The following CAMK1D variants were observed in gnomAD, a reference collection of about 807,000 sequenced individuals.
CAMK1D encodes calcium/calmodulin-dependent protein kinase type 1D.
A neutral mutation model predicts 47.7 loss-of-function variants in CAMK1D; 9 were observed. The ratio of observed to expected loss-of-function variants is 0.19; its 90% CI spans 0.11 to 0.33. The LOEUF (loss-of-function observed/expected upper bound fraction) is 0.33, where lower values mean the gene tolerates loss of function less well. Ranked by LOEUF, CAMK1D falls within the 10% of genes least tolerant of loss-of-function variation. The probability of loss-of-function intolerance (pLI) is 1.00; values close to 1 mark genes in which losing one functional copy is unlikely to be tolerated. For synonymous variants in CAMK1D, 184 were observed against 184.9 expected, an observed-to-expected ratio of 0.99 and a Z score of 0.04; for missense variants, 291 against 488.7, an observed-to-expected ratio of 0.60 and a Z score of 3.81.
chr10:12,429,176 C>A (rs184672285), intron 1 of CAMK1D, among the ~76,000 whole-genome samples: 19 of 152,302 alleles, frequency 1.2e-4, no homozygotes, highest in Non-Finnish European at 2.5e-4. Flanking sequence ...GCCCCCAAGC[C>A]CTCTCTGGTC....
chr10:12,576,805 G>T (rs1274460307), intron 2 of CAMK1D, among the ~76,000 whole-genome samples: 1 of 152,164 alleles, frequency 6.6e-6, no homozygotes, highest in Non-Finnish European at 1.5e-5. Flanking sequence ...TGGAGACTCG[G>T]CTCTGTATTT....
chr10:12,419,581 C>A lies in CAMK1D; in HGVS notation c.92+69671C>A, dbSNP rs370313477. ...ATTGCACACCTCACTCCCCACCGGG[C>A]CTCAGTGGATTCTGAATGAAGCCAG... On this transcript the variant is annotated intron_variant, in intron 1 of 10. Transcript: ENST00000619168. 1.3e-4 allele frequency among the ~76,000 whole-genome samples: 20 copies of A among 151,874 alleles called. No homozygotes were observed. The East Asian group carries it at 1.7e-3, about 13-fold the overall frequency.
intron 3 of CAMK1D, among the ~76,000 whole-genome samples, chr10:12,741,316 G>T (rs1245792857): frequency 6.6e-6 from 1 of 152,122 alleles, no homozygotes; most frequent in African/African-American, 2.4e-5. Flanking sequence ...ACGAACCGCC[G>T]GGTTAGACCT....
chr10:12,574,404 C>A (rs1002382640), intron 2 of CAMK1D, among the ~76,000 whole-genome samples: 4 of 149,634 alleles, frequency 2.7e-5, no homozygotes, highest in Non-Finnish European at 5.9e-5. Flanking sequence ...TAGGTTCAAG[C>A]GATTCTCATG....
intron 1 of CAMK1D, among the ~76,000 whole-genome samples, chr10:12,477,845 G>A (rs1268596627): frequency 1.3e-5 from 2 of 152,126 alleles, no homozygotes; most frequent in Admixed American, 6.5e-5. Flanking sequence ...CTCTGCCATC[G>A]TTTCAGGCAG....
chr10:12,416,730 CTG>C (rs937071111), intron 1 of CAMK1D, among the ~76,000 whole-genome samples: 10 of 152,210 alleles, frequency 6.6e-5, no homozygotes, highest in African/African-American at 2.4e-4. Flanking sequence ...TTGCCATACT[CTG>C]TGTCAGTTTC....
intron 3 of CAMK1D, among the ~76,000 whole-genome samples, chr10:12,729,425 C>T (rs565321194): frequency 9.2e-5 from 14 of 152,104 alleles, no homozygotes; most frequent in African/African-American, 2.4e-4. Context: ...TGCTTGAGGT[C>T]GGGGGTTCAA....
chr10:12,687,272 CAGAA>C (rs757793068), intron 3 of CAMK1D, among the ~76,000 whole-genome samples: 4 of 148,550 alleles, frequency 2.7e-5, no homozygotes, highest in Admixed American at 2.0e-4. Flanking sequence ...ATACTATGCT[CAGAA>C]AAAAAAAAAA....
intron 8 of CAMK1D, 35 bp from the exon 9 acceptor site, chr10:12,824,430 A>C: frequency 6.3e-7 from 1 of 1,575,376 alleles, no homozygotes; most frequent in Non-Finnish European, 8.7e-7. Context: ...GCCCAGAAGA[A>C]GCACTTCAGA....
At chr10:12,728,573 T>A (rs1224263444) in intron 3 of CAMK1D, among the ~76,000 whole-genome samples, 1 of 152,198 alleles carries the variant, frequency 6.6e-6, no homozygotes, top group Admixed American at 6.5e-5. Flanking sequence ...AGTATTGCAC[T>A]GTTGGTGTGA....
intron 2 of CAMK1D, among the ~76,000 whole-genome samples, chr10:12,567,902 C>T (rs779559305): frequency 7.2e-5 from 11 of 152,128 alleles, no homozygotes; most frequent in Non-Finnish European, 1.6e-4. Context: ...TATGTTAAAA[C>T]TTAGGAGGCA....
intron 1 of CAMK1D, among the ~76,000 whole-genome samples, chr10:12,402,892 G>A (rs1049493019): frequency 6.6e-6 from 1 of 152,058 alleles, no homozygotes; most frequent in Admixed American, 6.6e-5. Context: ...AAGGTGATGA[G>A]TTCCAGATGC....
At chr10:12,572,846 T>G (rs1271073154) in intron 2 of CAMK1D, among the ~76,000 whole-genome samples, 1 of 152,176 alleles carries the variant, frequency 6.6e-6, no homozygotes, top group African/African-American at 2.4e-5. Context: ...TTGCCCAGGC[T>G]GGTCTTGAAC....
chr10:12,381,608 G>C (rs967111223), intron 1 of CAMK1D, among the ~76,000 whole-genome samples: 3 of 152,174 alleles, frequency 2.0e-5, no homozygotes, highest in Non-Finnish European at 4.4e-5. Context: ...TTACAGGTTT[G>C]AGCCACTGCA....
chr10:12,625,217 T>A (rs138294692), intron 2 of CAMK1D, among the ~76,000 whole-genome samples: 307 of 148,380 alleles, frequency 2.1e-3, no homozygotes, highest in African/African-American at 7.5e-3. Flanking sequence ...ATGCCTGTAA[T>A]CCCAGCTACT....
intron 5 of CAMK1D, among the ~76,000 whole-genome samples, chr10:12,789,712 A>G (rs1458494463): frequency 6.6e-6 from 1 of 152,252 alleles, no homozygotes; most frequent in Non-Finnish European, 1.5e-5. Context: ...TTTGGGAATA[A>G]TAGTGACCAT....
At chr10:12,407,356 A>G (rs756148925) in intron 1 of CAMK1D, among the ~76,000 whole-genome samples, 1 of 152,224 alleles carries the variant, frequency 6.6e-6, no homozygotes, top group Non-Finnish European at 1.5e-5. Context: ...AAATCATACC[A>G]GCCTTCCTTT....
At chr10:12,446,196 A>G (rs1282457660) in intron 1 of CAMK1D, among the ~76,000 whole-genome samples, 1 of 152,190 alleles carries the variant, frequency 6.6e-6, no homozygotes, top group Non-Finnish European at 1.5e-5. Flanking sequence ...AGTGCAAGCA[A>G]GTTTATTAAG....
intron 2 of CAMK1D, among the ~76,000 whole-genome samples, chr10:12,591,231 A>C (rs139508835): frequency 6.6e-6 from 1 of 152,330 alleles, no homozygotes; most frequent in Non-Finnish European, 1.5e-5. Flanking sequence ...TCCAGTCTGC[A>C]GCAGCCAGTC....
Sources: gnomAD v4.1 joint callset for allele counts (sites outside exome capture counted in the v4.1 genomes callset) on GRCh38, gnomAD v4.1.1 for gene constraint, MANE v1.5 for transcripts, NCBI Gene and HGNC (gene_info 2026-07-23, HGNC 2026-07-21) for gene names.